RALYL: variants seen among roughly 807,000 people sequenced by gnomAD.
RALYL encodes the protein RALY RNA binding protein like.
RALYL carries 29 observed loss-of-function variants against 35.1 expected under a neutral mutation model. The observed-to-expected ratio is 0.83, with a 90% CI of 0.61 to 1.13. The LOEUF (loss-of-function observed/expected upper bound fraction) is 1.13. Among genes scored for constraint, RALYL ranks in the 50% most tolerant of loss-of-function variants. The probability of loss-of-function intolerance (pLI) is 0.00; values close to 1 mark genes in which losing one functional copy is unlikely to be tolerated. For missense variants in RALYL, 359 were observed against 360.4 expected, an observed-to-expected ratio of 1.00 and a Z score of 0.03; for synonymous variants, 120 against 127.6, an observed-to-expected ratio of 0.94 and a Z score of 0.40.
At chr8:84,597,557 A>C (rs1464105465) in intron 2 of RALYL, among the ~76,000 whole-genome samples, 1 of 152,044 alleles carries the variant, frequency 6.6e-6, no homozygotes, top group Non-Finnish European at 1.5e-5. Context: ...TGCTCCATGG[A>C]TTTCACCCTA....
At chr8:84,811,413 G>A (rs1390633337) in intron 4 of RALYL, among the ~76,000 whole-genome samples, 1 of 152,086 alleles carries the variant, frequency 6.6e-6, no homozygotes, top group Non-Finnish European at 1.5e-5. Flanking sequence ...TCCTTTGTAG[G>A]TTACCTGGTG....
chr8:84,201,525 A>T (rs576736846), intron 1 of RALYL, among the ~76,000 whole-genome samples: 18 of 151,340 alleles, frequency 1.2e-4, no homozygotes, highest in Admixed American at 8.6e-4. Flanking sequence ...TTAGTTATTT[A>T]GTTGCCTAAT....
intron 2 of RALYL, among the ~76,000 whole-genome samples, chr8:84,716,101 A>G (rs1842915221): frequency 6.6e-6 from 1 of 152,088 alleles, no homozygotes. Context: ...GCCTTAGAGG[A>G]ACAGCTGAAT....
At chr8:84,311,091 A>AAAAAAAAAAG (rs1842733397) in intron 1 of RALYL, among the ~76,000 whole-genome samples, 1 of 117,062 alleles carries the variant, frequency 8.5e-6, no homozygotes, top group Non-Finnish European at 1.9e-5. Flanking sequence ...AAAAAAAAAA[A>AAAAAAAAAAG]TGTATATTAA....
chr8:84,914,941 G>A (rs909726052), intron 8 of RALYL, among the ~76,000 whole-genome samples: 14 of 151,874 alleles, frequency 9.2e-5, no homozygotes, highest in African/African-American at 1.7e-4. Flanking sequence ...TCACTACAAC[G>A]CTTCTTCCCG....
At chr8:84,366,992 A>G (rs1370307155) in intron 1 of RALYL, among the ~76,000 whole-genome samples, 1 of 151,932 alleles carries the variant, frequency 6.6e-6, no homozygotes, top group African/African-American at 2.4e-5. Context: ...TTTAAGACAG[A>G]TGAGAGGACA....
In RALYL at chr8:84,627,807, C is replaced by T. The variant is rs538240934; in HGVS notation, c.256+98230C>T. Among the ~76,000 whole-genome samples the T allele has an allele frequency of 8.5e-5, 13 of 152,062 alleles. No homozygotes were observed. The East Asian group carries it at 1.4e-3, about 16-fold the overall frequency. The stretch of plus-strand genomic sequence containing the variant: ...CTGTTCAAATGAGAAATCTCACACC[C>T]GTCTGTTTCCTCTCTCTTCTTTAAT... On this transcript the variant is annotated intron_variant, in intron 2 of 8. Transcript: ENST00000521268.
At chr8:84,209,418 T>G (rs1818906852) in intron 1 of RALYL, among the ~76,000 whole-genome samples, 1 of 152,174 alleles carries the variant, frequency 6.6e-6, no homozygotes, top group South Asian at 2.1e-4. Flanking sequence ...ATACTAGCTT[T>G]GCATCCTACA....
intron 2 of RALYL, among the ~76,000 whole-genome samples, chr8:84,740,118 C>T (rs887944372): frequency 1.3e-5 from 2 of 151,880 alleles, no homozygotes; most frequent in Admixed American, 6.6e-5. Flanking sequence ...TACTTATGAA[C>T]GAGCAGATGG....
At chr8:84,771,572 A>G (rs898480256) in intron 2 of RALYL, among the ~76,000 whole-genome samples, 5 of 152,126 alleles carry the variant, frequency 3.3e-5, no homozygotes, top group African/African-American at 4.8e-5. Flanking sequence ...AGGCTTTGTA[A>G]AATGTAAATT....
chr8:84,848,845 T>C (rs1010198485), intron 4 of RALYL, among the ~76,000 whole-genome samples: 3 of 152,228 alleles, frequency 2.0e-5, no homozygotes, highest in East Asian at 3.8e-4. Flanking sequence ...TAAACTTTTT[T>C]TTTTAAATTA....
chr8:84,883,019 T>C (rs1403437610), intron 7 of RALYL, among the ~76,000 whole-genome samples: 1 of 152,022 alleles, frequency 6.6e-6, no homozygotes, highest in African/African-American at 2.4e-5. Context: ...CCTATCATTG[T>C]TTAGTGATTA....
chr8:84,803,524 T>C (rs1181668464), intron 3 of RALYL, among the ~76,000 whole-genome samples: 2 of 152,208 alleles, frequency 1.3e-5, no homozygotes, highest in Admixed American at 1.3e-4. Flanking sequence ...ATATTGGAAT[T>C]CAGAAAAGGA....
chr8:84,258,254 C>G (rs1196168007), intron 1 of RALYL, among the ~76,000 whole-genome samples: 2 of 152,014 alleles, frequency 1.3e-5, no homozygotes. Flanking sequence ...GTGAGTTTCT[C>G]AGGATTTCAA....
At chr8:84,372,886 G>GTTTTTTTTGTTTTGTTTTGT (rs1856064727) in intron 1 of RALYL, among the ~76,000 whole-genome samples, 1 of 39,064 alleles carries the variant, frequency 2.6e-5, no homozygotes, top group Non-Finnish European at 4.5e-5. Flanking sequence ...GCCAGCATCT[G>GTTTTTTTTGTTTTGTTTTGT]TTTTTTTTTT....
At chr8:84,673,030 A>G (rs1295043726) in intron 2 of RALYL, among the ~76,000 whole-genome samples, 1 of 152,166 alleles carries the variant, frequency 6.6e-6, no homozygotes, top group Admixed American at 6.6e-5. Flanking sequence ...CAACCTTGCC[A>G]GCATTTGTTA....
At chr8:84,887,873 C>G in intron 8 of RALYL, 97 bp downstream of exon 8, 1 of 1,064,312 alleles carries the variant, frequency 9.4e-7, no homozygotes, top group East Asian at 2.4e-5. Context: ...TCATTTGGGG[C>G]TTATTTCTCT....
chr8:84,304,998 G>C (rs1164345940), intron 1 of RALYL, among the ~76,000 whole-genome samples: 1 of 152,080 alleles, frequency 6.6e-6, no homozygotes, highest in Admixed American at 6.6e-5. Flanking sequence ...TTATTCATAT[G>C]ACTTTTGGGA....
At chr8:84,203,991 G>A (rs1817508791) in intron 1 of RALYL, among the ~76,000 whole-genome samples, 1 of 149,650 alleles carries the variant, frequency 6.7e-6, no homozygotes, top group Non-Finnish European at 1.5e-5. Context: ...TTAAATGTAT[G>A]TGTGTGTGTG....
Sources: gnomAD v4.1 joint callset for allele counts (sites outside exome capture counted in the v4.1 genomes callset) on GRCh38, gnomAD v4.1.1 for gene constraint, MANE v1.5 for transcripts, NCBI Gene and HGNC (gene_info 2026-07-23, HGNC 2026-07-21) for gene names.